MEGF11: variants seen among roughly 807,000 people sequenced by gnomAD.
MEGF11 encodes the protein multiple EGF like domains 11.
In MEGF11, 126 loss-of-function variants were observed where a neutral mutation model predicts 146.6. That is an observed-to-expected ratio of 0.86 (90% CI 0.74 to 1.00). MEGF11 has a LOEUF of 1.00. Among genes scored for constraint, MEGF11 ranks in the 50% least tolerant of loss-of-function variants. The pLI is 0.00. For missense variants in MEGF11, 1,509 were observed against 1,521.2 expected (o/e 0.99, Z 0.13); for synonymous variants, 532 against 583.4 (o/e 0.91, Z 1.27).
intron 21 of MEGF11, among the ~76,000 whole-genome samples, chr15:65,911,125 C>T (rs1048018104): frequency 5.3e-5 from 8 of 152,200 alleles, no homozygotes; most frequent in African/African-American, 1.7e-4. Context: ...CAGGGTTATG[C>T]TGGAAGCTGT....
chr15:66,238,168 C>T (rs2140228346), intron 1 of MEGF11, among the ~76,000 whole-genome samples: 1 of 152,288 alleles, frequency 6.6e-6, no homozygotes, highest in South Asian at 2.1e-4. Context: ...ATAGGGCCAG[C>T]CCTGCATCCC....
intron 1 of MEGF11, among the ~76,000 whole-genome samples, chr15:66,215,956 G>A (rs913376308): frequency 2.0e-4 from 31 of 152,148 alleles, no homozygotes; most frequent in Admixed American, 5.2e-4. Flanking sequence ...TCTCCAACCC[G>A]TCTGAGATGA....
chr15:66,125,235 G>A (rs1437146136), intron 2 of MEGF11, among the ~76,000 whole-genome samples: 1 of 152,188 alleles, frequency 6.6e-6, no homozygotes, highest in Admixed American at 6.5e-5. Flanking sequence ...GCCCCCACCA[G>A]CTGGCACACC....
chr15:65,979,434 C>T (rs428658), intron 7 of MEGF11, among the ~76,000 whole-genome samples: 117,738 of 152,160 alleles, frequency 0.77, 47,555 homozygotes, highest in Non-Finnish European at 0.91. Flanking sequence ...GTGACCTCTG[C>T]ATTCGCAGCC....
rs562451822 is a variant in MEGF11, at chr15:66,087,454, A to T, written c.394+6948T>A. On this transcript the variant is annotated intron_variant, in intron 5 of 25. Coordinates refer to ENST00000395614, the MANE Select transcript of MEGF11 (RefSeq NM_001385028.1). ...AATGAGCCTCAATTAATTTAAGAAA[A>T]TTGAAATTACATCAAGCACTCTCTC... Among the ~76,000 whole-genome samples the T allele has an allele frequency of 1.8e-4, 27 of 152,356 alleles. No individual in the cohort carries two copies. The South Asian group carries it at 5.6e-3, about 32-fold the overall frequency.
At chr15:66,188,503 G>A (rs562323022) in intron 1 of MEGF11, among the ~76,000 whole-genome samples, 66 of 152,128 alleles carry the variant, frequency 4.3e-4, no homozygotes, top group African/African-American at 1.4e-3. Flanking sequence ...TTTAACCACC[G>A]GTCAGACCCT....
Position 65,917,643 on chromosome 15 carries a change from A to G in MEGF11, c.2086+323T>C, listed in dbSNP as rs981444057. 5.9e-5 allele frequency among the ~76,000 whole-genome samples: 9 copies of G among 152,090 alleles called. No homozygotes were observed. In the South Asian group the frequency reaches 1.5e-3, roughly 25 times the overall value. On this transcript the variant is annotated intron_variant, in intron 16 of 25. Coordinates refer to ENST00000395614, the MANE Select transcript of MEGF11 (RefSeq NM_001385028.1). ...TCTCACTTCCCTACTCCCAAACTCG[A>G]GCATGCTGTTGCACCACCTCTTCCC...
At chr15:66,111,637 C>G (rs568255097) in intron 4 of MEGF11, among the ~76,000 whole-genome samples, 1 of 152,256 alleles carries the variant, frequency 6.6e-6, no homozygotes, top group East Asian at 1.9e-4. Flanking sequence ...TGGAAGTCGC[C>G]AGCTCCATGT....
chr15:65,917,051 C>T (rs1596834728), intron 16 of MEGF11, 95 bp from the exon 17 acceptor site: 7 of 1,281,692 alleles, frequency 5.5e-6, no homozygotes, highest in Non-Finnish European at 6.2e-6. Context: ...AGCCAAGATG[C>T]CAAGATGGAC....
chr15:66,009,759 AT>A (rs572259506), intron 5 of MEGF11, among the ~76,000 whole-genome samples: 2 of 151,592 alleles, frequency 1.3e-5, no homozygotes, highest in Non-Finnish European at 2.9e-5. Context: ...TGCCTGGCTA[AT>A]TTTTTTTGAA....
Position 65,897,282 on chromosome 15 carries a change from T to C in MEGF11, c.*652A>G, listed in dbSNP as rs532725411. 2 of 152,324 alleles carry C rather than the reference T, an allele frequency of 1.3e-5. No individual in the cohort carries two copies. Among genetic ancestry groups the C allele is most frequent in the East Asian group, 3.9e-4 (2 of 5,194 alleles). 9.4% of individuals were successfully genotyped at this position (152,324 alleles called of 1,614,324 possible). ...TGCACTTTGGAAACGTGTGTGTGTG[T>C]CTCTGTGTGTTTAAACCTATCACTT... On this transcript the variant is annotated 3_prime_UTR_variant, in exon 26 of 26. Coordinates refer to ENST00000395614, the MANE Select transcript of MEGF11 (RefSeq NM_001385028.1).
chr15:65,964,464 ACTT>A (rs1181012909), intron 9 of MEGF11, among the ~76,000 whole-genome samples: 4 of 152,094 alleles, frequency 2.6e-5, no homozygotes, highest in Middle Eastern at 3.4e-3. Flanking sequence ...TCAAGCCTCT[ACTT>A]CTGCCCTGGT....
intron 1 of MEGF11, among the ~76,000 whole-genome samples, chr15:66,139,270 A>T (rs1279694683): frequency 6.6e-6 from 1 of 152,176 alleles, no homozygotes; most frequent in African/African-American, 2.4e-5. Context: ...ACCCACTAAA[A>T]AACAGTACTG....
intron 5 of MEGF11, among the ~76,000 whole-genome samples, chr15:66,050,993 CTG>C: frequency 6.6e-6 from 1 of 152,352 alleles, no homozygotes; most frequent in Non-Finnish European, 1.5e-5. Flanking sequence ...AAGGGAATGA[CTG>C]AGGGCATCCA....
chr15:66,075,579 C>T (rs2085541211), intron 5 of MEGF11, among the ~76,000 whole-genome samples: 1 of 152,144 alleles, frequency 6.6e-6, no homozygotes, highest in African/African-American at 2.4e-5. Context: ...GCACAGTGAT[C>T]CTTCATATTT....
chr15:66,117,207 A>C (rs999493912), intron 4 of MEGF11, among the ~76,000 whole-genome samples: 1 of 152,186 alleles, frequency 6.6e-6, no homozygotes, highest in Non-Finnish European at 1.5e-5. Flanking sequence ...GATCAAACCC[A>C]GACCCCTGTG....
intron 5 of MEGF11, among the ~76,000 whole-genome samples, chr15:66,012,352 C>T (rs534828357): frequency 6.6e-5 from 10 of 152,310 alleles, no homozygotes; most frequent in South Asian, 2.1e-4. Flanking sequence ...CAGGGCTCTC[C>T]GCTCCCTAGT....
At chr15:66,049,341 T>A (rs2084357547) in intron 5 of MEGF11, among the ~76,000 whole-genome samples, 1 of 152,024 alleles carries the variant, frequency 6.6e-6, no homozygotes, top group Non-Finnish European at 1.5e-5. Flanking sequence ...AGGGTTGGGG[T>A]AGGGGGAGAG....
chr15:66,191,671 A>T (rs894343522), intron 1 of MEGF11, among the ~76,000 whole-genome samples: 18 of 152,190 alleles, frequency 1.2e-4, no homozygotes, highest in African/African-American at 4.3e-4. Flanking sequence ...AGAGCAAGCC[A>T]TCAACCCGGT....
Sources: gnomAD v4.1 joint callset for allele counts (sites outside exome capture counted in the v4.1 genomes callset) on GRCh38, gnomAD v4.1.1 for gene constraint, MANE v1.5 for transcripts, NCBI Gene and HGNC (gene_info 2026-07-23, HGNC 2026-07-21) for gene names.